PAFAH1B2: variants seen among roughly 807,000 people sequenced by gnomAD.
PAFAH1B2 encodes platelet activating factor acetylhydrolase 1b catalytic subunit 2.
In PAFAH1B2, 8 loss-of-function variants were observed where a neutral mutation model predicts 28.0. The observed-to-expected ratio is 0.29, with a 90% CI of 0.17 to 0.52. PAFAH1B2 has a LOEUF of 0.52. Among genes scored for constraint, PAFAH1B2 ranks in the 20% least tolerant of loss-of-function variants. The pLI, the probability that PAFAH1B2 is intolerant of heterozygous loss-of-function variation, is 0.97. For missense variants in PAFAH1B2, 190 were observed against 282.6 expected (o/e 0.67, Z 2.35); for synonymous variants, 104 against 103.2 (o/e 1.01, Z -0.05).
At position 117,170,810 on chromosome 11, in the gene PAFAH1B2, G is replaced by C; in HGVS notation, c.*3111G>C. 9.4e-7 allele frequency: 1 copy of C among 1,060,262 alleles called. No homozygotes were observed. The highest frequency in any genetic ancestry group is 1.1e-6 in the Non-Finnish European group (1 of 876,114). 65.7% of individuals were successfully genotyped at this position (1,060,262 alleles called of 1,614,324 possible). A position where few individuals can be genotyped will look rare whatever the true frequency, so the allele number is the denominator to read the frequency against. The stretch of plus-strand genomic sequence containing the variant: ...ATATGGAAATGAGGAGCATGTCCAA[G>C]CTCCTAAATCCGTGTGGGTGCATGT... On this transcript the variant is annotated 3_prime_UTR_variant, in exon 6 of 6. Transcript: ENST00000527958.
In PAFAH1B2 at chr11:117,165,896, G is replaced by A. The variant is rs552042607; in HGVS notation, c.412-1525G>A. 4.0e-5 allele frequency among the ~76,000 whole-genome samples: 6 copies of A among 151,194 alleles called. No individual in the cohort carries two copies. In the South Asian group the frequency reaches 1.3e-3, roughly 32 times the overall value. ...GCTCTACTGCCCAGGCTGGAGTGCA[G>A]TGGCGTGATCTTAGCTCACTGCAAC... On this transcript the variant is annotated intron_variant, in intron 5 of 5. Coordinates refer to ENST00000527958, the MANE Select transcript of PAFAH1B2 (RefSeq NM_002572.4).
chr11:117,175,007 ATG>A (rs2029895653), downstream of PAFAH1B2: 3 of 1,444,152 alleles, frequency 2.1e-6, no homozygotes, highest in East Asian at 8.0e-5. Context: ...GTGACTTAAA[ATG>A]GAGCTGGACT....
chr11:117,175,699 C>T (rs1425408067), downstream of PAFAH1B2: 1 of 1,175,984 alleles, frequency 8.5e-7, no homozygotes, highest in Non-Finnish European at 1.1e-6. Flanking sequence ...GCTCCACCTC[C>T]CAAGATGAAT....
intron 2 of PAFAH1B2, among the ~76,000 whole-genome samples, chr11:117,159,048 A>T (rs966406471): frequency 6.6e-6 from 1 of 152,230 alleles, no homozygotes; most frequent in African/African-American, 2.4e-5. Flanking sequence ...AAACATGCAC[A>T]CATACATAGA....
At chr11:117,163,689 A>C in intron 4 of PAFAH1B2, 81 bp from the exon 5 acceptor site, 1 of 1,064,246 alleles carries the variant, frequency 9.4e-7, no homozygotes, top group East Asian at 2.6e-5. Context: ...AAAAAAAAAA[A>C]AGATTTTCAT....
rs529225362 is a variant in PAFAH1B2, at chr11:117,156,086, G to GCCAA, written c.81+3559_81+3562dup. On this transcript the variant is annotated intron_variant, in intron 2 of 5. Coordinates refer to ENST00000527958, the MANE Select transcript of PAFAH1B2 (RefSeq NM_002572.4). ...TGCCTGTAGTCCCAGCTACTGGGGG[G>GCCAA]CCAAGGCAGGAGGATTGCTTGAGTC... Among the ~76,000 whole-genome samples the GCCAA allele has an allele frequency of 7.0e-4, 107 of 152,296 alleles. 1 individual carries two copies. Among genetic ancestry groups the GCCAA allele is most frequent in the African/African-American group, 2.5e-3 (104 of 41,566 alleles).
chr11:117,145,936 C>T (rs888402831), intron 1 of PAFAH1B2, among the ~76,000 whole-genome samples: 47 of 152,244 alleles, frequency 3.1e-4, no homozygotes, highest in African/African-American at 1.1e-3. Context: ...GCTGTATTGT[C>T]ATAGTAAGTA....
chr11:117,171,538 GAAA>G, downstream of PAFAH1B2: 47 of 466,084 alleles, frequency 1.0e-4, no homozygotes, highest in South Asian at 2.0e-4. Flanking sequence ...TCTTGTCTCG[GAAA>G]AAAAAAAAAA....
At chr11:117,176,338 A>G in exon 6 of PAFAH1B2, 1 of 283,120 alleles carries the variant, frequency 3.5e-6, no homozygotes, top group Non-Finnish European at 6.6e-6. Context: ...CAGCATAACT[A>G]CAACAGTACC....
intron 1 of PAFAH1B2, among the ~76,000 whole-genome samples, chr11:117,144,790 C>T (rs1955956423): frequency 6.6e-6 from 1 of 151,964 alleles, no homozygotes; most frequent in African/African-American, 2.4e-5. Context: ...CGCGGTAGGC[C>T]TTGCGCACCC....
In PAFAH1B2 at chr11:117,169,097, G is replaced by A; in HGVS notation, c.*1398G>A. The stretch of plus-strand genomic sequence containing the variant: ...TGAGCCACCGTGCCTGGCCTTATTG[G>A]CTTAGTTTTTAAATTATCCTCCAAA... On this transcript the variant is annotated 3_prime_UTR_variant, in exon 6 of 6. Coordinates refer to ENST00000527958, the MANE Select transcript of PAFAH1B2 (RefSeq NM_002572.4). The A allele has an allele frequency of 3.9e-6, 4 of 1,019,100 alleles. No homozygotes were observed. Among genetic ancestry groups the A allele is most frequent in the Non-Finnish European group, 4.7e-6 (4 of 849,628 alleles). 63.1% of individuals were successfully genotyped at this position (1,019,100 alleles called of 1,614,324 possible).
chr11:117,156,691 A>G (rs1956262087), intron 2 of PAFAH1B2, among the ~76,000 whole-genome samples: 1 of 152,138 alleles, frequency 6.6e-6, no homozygotes, highest in African/African-American at 2.4e-5. Context: ...CTTAAATTCC[A>G]CGACTCTACA....
At chr11:117,152,300 G>T in intron 1 of PAFAH1B2, 141 bp from the exon 2 acceptor site, 2 of 613,812 alleles carry the variant, frequency 3.3e-6, no homozygotes, top group Non-Finnish European at 2.9e-6. Context: ...GAAAGTAATT[G>T]TTTCTGTTTA....
downstream of PAFAH1B2, chr11:117,171,089 A>G (rs1214737456): frequency 7.9e-6 from 8 of 1,018,184 alleles, no homozygotes; most frequent in East Asian, 4.6e-4. Flanking sequence ...TTTGGATTCT[A>G]ATGAAAAAAA....
downstream of PAFAH1B2, among the ~76,000 whole-genome samples, chr11:117,171,306 G>A (rs1956644636): frequency 6.6e-6 from 1 of 152,196 alleles, no homozygotes; most frequent in African/African-American, 2.4e-5. Context: ...GATTGGAATA[G>A]TTTTGCAGAT....
chr11:117,150,246 C>G (rs1341828155), intron 1 of PAFAH1B2, among the ~76,000 whole-genome samples: 1 of 152,172 alleles, frequency 6.6e-6, no homozygotes, highest in Admixed American at 6.5e-5. Flanking sequence ...CTGCCAGGTT[C>G]CAGCGATTCT....
downstream of PAFAH1B2, among the ~76,000 whole-genome samples, chr11:117,177,946 A>T (rs1389735594): frequency 6.6e-6 from 1 of 152,216 alleles, no homozygotes; most frequent in Non-Finnish European, 1.5e-5. Context: ...CCAATCCCTC[A>T]TTATGGATAT....
intron 2 of PAFAH1B2, among the ~76,000 whole-genome samples, chr11:117,154,902 C>CATGGAGGTTTATTCTCTCTGA (rs1956227374): frequency 6.6e-6 from 1 of 152,116 alleles, no homozygotes; most frequent in African/African-American, 2.4e-5. Flanking sequence ...GTAATTGATA[C>CATGGAGGTTTATTCTCTCTGA]ATGGAGGTTT....
Position 117,170,459 on chromosome 11 carries a change from C to T in PAFAH1B2, c.*2760C>T. On this transcript the variant is annotated 3_prime_UTR_variant, in exon 6 of 6. Coordinates refer to ENST00000527958, the MANE Select transcript of PAFAH1B2 (RefSeq NM_002572.4). ...CGGGTGATCTAGGGCAGGCTGTCTT[C>T]CAGTCCATGTGTTCTCGGTCGCCGT... 9.4e-7 allele frequency: 1 copy of T among 1,059,974 alleles called. No homozygotes were observed. 65.7% of individuals were successfully genotyped at this position (1,059,974 alleles called of 1,614,324 possible). A position where few individuals can be genotyped will look rare whatever the true frequency, so the allele number is the denominator to read the frequency against.
Sources: allele counts gnomAD v4.1 joint callset (sites outside exome capture counted in the v4.1 genomes callset), GRCh38; gene constraint gnomAD v4.1.1; transcripts MANE v1.5; gene names NCBI Gene and HGNC (gene_info 2026-07-23, HGNC 2026-07-21).